Variants in SLC38A8 observed in about 807,000 individuals in gnomAD.
SLC38A8 encodes solute carrier family 38 member 8.
A neutral mutation model predicts 46.0 loss-of-function variants in SLC38A8; 65 were observed. The observed-to-expected ratio is 1.41, with a 90% CI of 1.16 to 1.74. SLC38A8 has a LOEUF of 1.74. SLC38A8 is among the 40% of genes most tolerant of loss of function. The pLI is 0.00. For synonymous variants in SLC38A8, 447 were observed against 243.7 expected (o/e 1.83, Z -7.77); for missense variants, 998 against 567.9 (o/e 1.76, Z -7.70).
At position 84,022,972 on chromosome 16, in the gene SLC38A8, G is replaced by A. The variant is rs188799048; in HGVS notation, c.691-83C>T. On this transcript the variant is annotated intron_variant, in intron 6 of 10. Coordinates refer to ENST00000299709, the MANE Select transcript of SLC38A8 (RefSeq NM_001080442.3). Reference sequence around the variant, plus strand: ...AAAAAAAACTCATATCCAAAAGGCGGGAAATGTGGGATATGATGAGGTTTC... The same window carrying A: ...AAAAAAAACTCATATCCAAAAGGCGAGAAATGTGGGATATGATGAGGTTTC... 4.9e-5 allele frequency: 45 copies of A among 920,940 alleles called. No homozygotes were observed. The African/African-American group carries it at 6.5e-4, about 13-fold the overall frequency. 57.0% of individuals were successfully genotyped at this position (920,940 alleles called of 1,614,324 possible).
At chr16:84,032,248 G>T (rs2089724) in intron 4 of SLC38A8, among the ~76,000 whole-genome samples, 2 of 152,152 alleles carry the variant, frequency 1.3e-5, no homozygotes, top group African/African-American at 4.8e-5. Context: ...GAGTGCAGTG[G>T]CGCAATCTTG....
chr16:84,011,360 G>C (rs185992482), intron 10 of SLC38A8, among the ~76,000 whole-genome samples: 8 of 152,220 alleles, frequency 5.3e-5, no homozygotes, highest in Non-Finnish European at 1.2e-4. Context: ...GGGGTTACCA[G>C]ACATTGGGAG....
At position 84,041,770 on chromosome 16, in the gene SLC38A8, C is replaced by T. The variant is rs573572980; in HGVS notation, c.189+199G>A. ...GAAGCTGTGTATCAGATGCCACCAGCGCCCACGGGGGATATTCTCATCCCA... is the reference window on the plus strand; with the variant it reads ...GAAGCTGTGTATCAGATGCCACCAGTGCCCACGGGGGATATTCTCATCCCA... On this transcript the variant is annotated intron_variant, in intron 2 of 10. Coordinates refer to ENST00000299709, the MANE Select transcript of SLC38A8 (RefSeq NM_001080442.3). 5.0e-3 allele frequency among the ~76,000 whole-genome samples: 754 copies of T among 152,308 alleles called. 7 individuals are homozygous for T. Among genetic ancestry groups the T allele is most frequent in the Non-Finnish European group, 7.9e-3 (537 of 68,028 alleles).
intron 7 of SLC38A8, among the ~76,000 whole-genome samples, chr16:84,018,222 CCTT>C (rs1567692677): frequency 8.0e-6 from 1 of 124,446 alleles, no homozygotes; most frequent in Non-Finnish European, 1.6e-5. Context: ...AGCCCTCATT[CCTT>C]TTTTTTTTTT....
At chr16:84,031,765 C>A in intron 5 of SLC38A8, 102 bp downstream of exon 5, 1 of 974,480 alleles carries the variant, frequency 1.0e-6, no homozygotes, top group East Asian at 2.4e-5. Flanking sequence ...AGCCCAGGCT[C>A]TGCAGTGAGC....
At chr16:84,034,852 G>A (rs2085283926) in intron 3 of SLC38A8, among the ~76,000 whole-genome samples, 1 of 152,052 alleles carries the variant, frequency 6.6e-6, no homozygotes, top group East Asian at 1.9e-4. Flanking sequence ...CCCATAGCCA[G>A]GATCCTCAGG....
At chr16:84,036,571 G>A (rs930913235) in intron 3 of SLC38A8, 131 bp downstream of exon 3, 5 of 1,004,154 alleles carry the variant, frequency 5.0e-6, no homozygotes, top group Middle Eastern at 3.1e-4. Context: ...TTAGGAACAA[G>A]AGTGTGGTTT....
chr16:84,011,895 T>C (rs2084958230), intron 10 of SLC38A8, among the ~76,000 whole-genome samples: 1 of 151,910 alleles, frequency 6.6e-6, no homozygotes, highest in Admixed American at 6.6e-5. Flanking sequence ...AAAACTAAAA[T>C]AAATAAAAGC....
At position 84,021,860 on chromosome 16, in the gene SLC38A8, C is replaced by T. The variant is rs372608422; in HGVS notation, c.805+915G>A. ...CTACATCTGGGGAGAGCCTTCTTGCCGGAGGGGACTTTGCAGAGCCCTGAA... is the reference window on the plus strand; with the variant it reads ...CTACATCTGGGGAGAGCCTTCTTGCTGGAGGGGACTTTGCAGAGCCCTGAA... On this transcript the variant is annotated intron_variant, in intron 7 of 10. Coordinates refer to ENST00000299709, the MANE Select transcript of SLC38A8 (RefSeq NM_001080442.3). Among the ~76,000 whole-genome samples, 14 of 152,304 alleles carry T rather than the reference C, an allele frequency of 9.2e-5. 1 individual carries two copies. The South Asian group carries it at 1.9e-3, about 20-fold the overall frequency.
intron 2 of SLC38A8, among the ~76,000 whole-genome samples, chr16:84,037,428 G>C (rs1355786520): frequency 6.6e-6 from 1 of 152,210 alleles, no homozygotes; most frequent in Non-Finnish European, 1.5e-5. Flanking sequence ...GACTGAACAA[G>C]GTCTGTGACA....
At chr16:84,025,208 G>C (rs1160505669) in intron 6 of SLC38A8, among the ~76,000 whole-genome samples, 1 of 152,102 alleles carries the variant, frequency 6.6e-6, no homozygotes, top group Non-Finnish European at 1.5e-5. Context: ...CAGGCTCCTG[G>C]GGCTGGTTCC....
chr16:84,032,042 TC>T, intron 4 of SLC38A8, 74 bp from the exon 5 acceptor site: 11 of 1,301,426 alleles, frequency 8.5e-6, no homozygotes, highest in African/African-American at 1.4e-5. Flanking sequence ...AGTAGTGGGA[TC>T]TGAATCCCAG....
At chr16:84,032,756 G>A (rs989830341) in intron 4 of SLC38A8, among the ~76,000 whole-genome samples, 10 of 152,218 alleles carry the variant, frequency 6.6e-5, no homozygotes, top group African/African-American at 2.4e-4. Flanking sequence ...GAAAAGGCAG[G>A]CAGCAGAGGG....
At chr16:84,017,881 A>G (rs7191206) in intron 7 of SLC38A8, among the ~76,000 whole-genome samples, 94,892 of 151,964 alleles carry the variant, frequency 0.62, 30,775 homozygotes, top group African/African-American at 0.8. Flanking sequence ...AGGTCCCATG[A>G]CCCTGGCAGT....
intron 5 of SLC38A8, among the ~76,000 whole-genome samples, chr16:84,031,067 G>C (rs184100178): frequency 3.0e-4 from 46 of 152,272 alleles, no homozygotes; most frequent in Non-Finnish European, 5.3e-4. Flanking sequence ...TTGAGACAGA[G>C]TCTTGCTCTG....
rs1239035192 is a variant in SLC38A8, at chr16:84,009,707, C to T, written c.*77G>A. The T allele has an allele frequency of 1.3e-5, 16 of 1,230,742 alleles. No homozygotes were observed. Among genetic ancestry groups the T allele is most frequent in the East Asian group, 2.4e-5 (1 of 41,618 alleles). 76.2% of individuals were successfully genotyped at this position (1,230,742 alleles called of 1,614,324 possible). On this transcript the variant is annotated 3_prime_UTR_variant, in exon 11 of 11. Transcript: ENST00000299709. Reference sequence around the variant, plus strand: ...TCTTTATGAGGAAAAGAAATGGCATCGGTCTCCTGGCTGCATACAGCAGCC... The same window carrying T: ...TCTTTATGAGGAAAAGAAATGGCATTGGTCTCCTGGCTGCATACAGCAGCC...
intron 9 of SLC38A8, 120 bp from the exon 10 acceptor site, chr16:84,013,172 CT>C: frequency 9.3e-7 from 1 of 1,069,902 alleles, no homozygotes; most frequent in Middle Eastern, 2.7e-4. Flanking sequence ...ATGGGTGCCC[CT>C]GGCTCAGGCC....
At chr16:84,033,915 C>G (rs1316652672) in intron 3 of SLC38A8, among the ~76,000 whole-genome samples, 1 of 151,612 alleles carries the variant, frequency 6.6e-6, no homozygotes, top group Non-Finnish European at 1.5e-5. Flanking sequence ...CAGCAGAACA[C>G]ATGACCCCAA....
intron 3 of SLC38A8, among the ~76,000 whole-genome samples, chr16:84,034,113 C>T (rs1397994129): frequency 6.6e-6 from 1 of 152,216 alleles, no homozygotes; most frequent in Non-Finnish European, 1.5e-5. Context: ...CTGATGGGTA[C>T]ACCTGGGCCT....
Sources: gnomAD v4.1 joint callset for allele counts (sites outside exome capture counted in the v4.1 genomes callset) on GRCh38, gnomAD v4.1.1 for gene constraint, MANE v1.5 for transcripts, NCBI Gene and HGNC (gene_info 2026-07-23, HGNC 2026-07-21) for gene names.